FYB1: variants seen among roughly 807,000 people sequenced by gnomAD.
FYB1 encodes the protein FYN-binding protein 1.
A neutral mutation model predicts 94.1 loss-of-function variants in FYB1; 41 were observed. The observed-to-expected ratio is 0.44, with a 90% CI of 0.34 to 0.57. The LOEUF (loss-of-function observed/expected upper bound fraction) is 0.57, where lower values mean the gene tolerates loss of function less well. FYB1 is among the 20% of genes least tolerant of loss of function. The pLI is 0.02. For synonymous variants in FYB1, 367 were observed against 353.2 expected, an observed-to-expected ratio of 1.04 and a Z score of -0.44; for missense variants, 1,050 against 976.8, an observed-to-expected ratio of 1.07 and a Z score of -1.00.
intron 1 of FYB1, among the ~76,000 whole-genome samples, chr5:39,213,224 C>G (rs1221670034): frequency 1.3e-5 from 2 of 152,114 alleles, no homozygotes; most frequent in African/African-American, 4.8e-5. Context: ...TAAACTGAGT[C>G]ACCTAAGCTT....
intron 1 of FYB1, among the ~76,000 whole-genome samples, chr5:39,237,195 AG>A (rs1751003716): frequency 6.6e-6 from 1 of 152,126 alleles, no homozygotes; most frequent in African/African-American, 2.4e-5. Flanking sequence ...CAAAAACAAC[AG>A]TTAGGTAGAT....
At chr5:39,185,579 CATATATACAT>C (rs1200619252) in intron 2 of FYB1, among the ~76,000 whole-genome samples, 46 of 141,116 alleles carry the variant, frequency 3.3e-4, no homozygotes, top group African/African-American at 8.1e-4. Flanking sequence ...TATATATATA[CATATATACAT>C]ATATATACAT....
chr5:39,112,575 AT>A (rs1046014300), intron 16 of FYB1, among the ~76,000 whole-genome samples: 2 of 152,028 alleles, frequency 1.3e-5, no homozygotes, highest in Non-Finnish European at 2.9e-5. Context: ...GAAATTAAAG[AT>A]TTTTATTTGC....
At chr5:39,239,179 T>A (rs1039408810) in intron 1 of FYB1, among the ~76,000 whole-genome samples, 1 of 152,070 alleles carries the variant, frequency 6.6e-6, no homozygotes, top group African/African-American at 2.4e-5. Flanking sequence ...ATAAGCGGCA[T>A]CTATGGCCAG....
At position 39,134,253 on chromosome 5, in the gene FYB1, T is replaced by C; in HGVS notation, c.1772A>G (p.Asp591Gly). ...TGCAACATCATCATATACTTCTTGG[T>C]CATCTTCAATAGGTCTTGAAGGGGC... is the stretch of plus-strand genomic sequence containing the variant. ...LGAPSRPIEDDQEVYDDVAEQ... is the reference protein window; with the variant it reads ...LGAPSRPIEDGQEVYDDVAEQ... The change falls in exon 9 of 19, where the codon GAC becomes GGC. Residue 591 changes from aspartate (D) to glycine (G), a missense_variant. Physicochemically the swap from Asp to Gly is moderately conservative, Grantham distance 94 (BLOSUM62 -1). Coordinates refer to ENST00000512982, the MANE Select transcript of FYB1 (RefSeq NM_001465.6). 6.2e-7 allele frequency: 1 copy of C among 1,612,644 alleles called. No homozygotes were observed. Among genetic ancestry groups the C allele is most frequent in the Admixed American group, 1.7e-5 (1 of 60,008 alleles).
At chr5:39,184,302 A>G (rs1056017117) in intron 2 of FYB1, among the ~76,000 whole-genome samples, 4 of 152,218 alleles carry the variant, frequency 2.6e-5, no homozygotes, top group African/African-American at 9.6e-5. Context: ...ATATCTTAAG[A>G]CAATAAAGAA....
intron 1 of FYB1, among the ~76,000 whole-genome samples, chr5:39,206,419 A>C (rs1286369538): frequency 6.6e-6 from 1 of 152,246 alleles, no homozygotes; most frequent in Admixed American, 6.5e-5. Flanking sequence ...TAATGATAGA[A>C]AAAGCAAAAA....
rs1001318222 is a variant in FYB1, at chr5:39,134,776, C to T, written c.1675+79G>A. 101 of 1,477,758 alleles carry T rather than the reference C, an allele frequency of 6.8e-5. 1 individual carries two copies. Among genetic ancestry groups the T allele is most frequent in the Middle Eastern group, 1.7e-4 (1 of 5,728 alleles). 91.5% of individuals were successfully genotyped at this position (1,477,758 alleles called of 1,614,324 possible). A position where few individuals can be genotyped will look rare whatever the true frequency, so the allele number is the denominator to read the frequency against. On this transcript the variant is annotated intron_variant, in intron 8 of 18. Coordinates refer to ENST00000512982, the MANE Select transcript of FYB1 (RefSeq NM_001465.6). ...AGTACTCCTAACTCGATGCCTATGACGAGTTCTGGAGGAATATGTACATTG... is the reference window on the plus strand; with the variant it reads ...AGTACTCCTAACTCGATGCCTATGATGAGTTCTGGAGGAATATGTACATTG...
intron 2 of FYB1, among the ~76,000 whole-genome samples, chr5:39,165,461 C>T (rs1336128424): frequency 6.6e-6 from 1 of 152,118 alleles, no homozygotes; most frequent in African/African-American, 2.4e-5. Flanking sequence ...AACTGGGCTC[C>T]TATCTCTCAC....
intron 1 of FYB1, among the ~76,000 whole-genome samples, chr5:39,264,597 C>T (rs1752351094): frequency 6.6e-6 from 1 of 152,148 alleles, no homozygotes; most frequent in Middle Eastern, 3.2e-3. Context: ...TCTCTCCTGC[C>T]TCACCTCTTT....
chr5:39,265,261 C>T (rs928234987), intron 1 of FYB1, among the ~76,000 whole-genome samples: 1 of 152,066 alleles, frequency 6.6e-6, no homozygotes, highest in Admixed American at 6.5e-5. Flanking sequence ...GCAGGTGGAT[C>T]ATGAGGTCAG....
At chr5:39,249,939 G>T (rs923625816) in intron 1 of FYB1, among the ~76,000 whole-genome samples, 1 of 152,162 alleles carries the variant, frequency 6.6e-6, no homozygotes, top group Non-Finnish European at 1.5e-5. Context: ...GGTGGGAGAT[G>T]ATTGGATCAT....
intron 1 of FYB1, among the ~76,000 whole-genome samples, chr5:39,270,256 CTAAA>C (rs1752619214): frequency 6.6e-6 from 1 of 152,124 alleles, no homozygotes; most frequent in South Asian, 2.1e-4. Context: ...GGAAACTCGA[CTAAA>C]TTACTGGGGC....
At chr5:39,242,679 G>A (rs1417863636) in intron 1 of FYB1, among the ~76,000 whole-genome samples, 1 of 152,040 alleles carries the variant, frequency 6.6e-6, no homozygotes, top group Non-Finnish European at 1.5e-5. Flanking sequence ...TGGGTCAAAT[G>A]GTATTTCCAG....
intron 1 of FYB1, among the ~76,000 whole-genome samples, chr5:39,215,611 T>G (rs183884986): frequency 6.6e-6 from 1 of 152,304 alleles, no homozygotes; most frequent in Admixed American, 6.5e-5. Context: ...CAAACATTAT[T>G]AAAAACCAGT....
chr5:39,263,260 TAAG>T lies in FYB1; in HGVS notation c.-28+11140_-28+11142del, dbSNP rs201966656. ...ATTTAGTGTATTCTAACACATGCTC[TAAG>T]AAGTGTCTCACATCTCCTCCTAGAT... On this transcript the variant is annotated intron_variant, in intron 1 of 1. Coordinates refer to the FYB1 transcript ENST00000510188. 1.4e-3 allele frequency among the ~76,000 whole-genome samples: 220 copies of T among 152,320 alleles called. 1 individual carries two copies. The East Asian group carries it at 0.015, about 10-fold the overall frequency.
chr5:39,200,574 G>A (rs1748220759), intron 2 of FYB1, among the ~76,000 whole-genome samples: 1 of 152,190 alleles, frequency 6.6e-6, no homozygotes, highest in African/African-American at 2.4e-5. Flanking sequence ...CAAGATGACA[G>A]ATGAGGAGGA....
At chr5:39,231,954 TA>T (rs1050525554) in intron 1 of FYB1, among the ~76,000 whole-genome samples, 131 of 151,882 alleles carry the variant, frequency 8.6e-4, no homozygotes, top group African/African-American at 2.9e-3. Flanking sequence ...TGAAGAGACT[TA>T]AAAAAAAGTG....
chr5:39,121,568 A>G (rs1234935063), intron 14 of FYB1, among the ~76,000 whole-genome samples: 2 of 152,130 alleles, frequency 1.3e-5, no homozygotes, highest in Non-Finnish European at 2.9e-5. Context: ...GGATCTTTTG[A>G]GTCATCTTTC....
Sources: allele counts gnomAD v4.1 joint callset (sites outside exome capture counted in the v4.1 genomes callset), GRCh38; gene constraint gnomAD v4.1.1; transcripts MANE v1.5; gene names NCBI Gene and HGNC (gene_info 2026-07-23, HGNC 2026-07-21).